The following ARFIP1 variants were observed in gnomAD, a reference collection of about 807,000 sequenced individuals.
ARFIP1 encodes ARF interacting protein 1.
Under a neutral mutation model 42.5 loss-of-function variants are expected in ARFIP1, and 24 were observed. The ratio of observed to expected loss-of-function variants is 0.57; its 90% confidence interval spans 0.41 to 0.80. The LOEUF (loss-of-function observed/expected upper bound fraction) is 0.80, where lower values mean the gene tolerates loss of function less well. Among genes scored for constraint, ARFIP1 ranks in the 30% least tolerant of loss-of-function variants. ARFIP1 has a pLI of 0.00. For synonymous variants in ARFIP1, 141 were observed against 153.7 expected (o/e 0.92, Z 0.61); for missense variants, 354 against 434.0 (o/e 0.82, Z 1.64).
At chr4:152,830,702 A>G (rs567891635) in intron 2 of ARFIP1, among the ~76,000 whole-genome samples, 1 of 152,134 alleles carries the variant, frequency 6.6e-6, no homozygotes, top group Non-Finnish European at 1.5e-5. Flanking sequence ...TGGCCTATAC[A>G]TTGTAGGATG....
At chr4:152,811,634 GA>G (rs1729476581) in intron 1 of ARFIP1, among the ~76,000 whole-genome samples, 2 of 152,182 alleles carry the variant, frequency 1.3e-5, no homozygotes, top group Admixed American at 1.3e-4. Flanking sequence ...AAGTTGATTG[GA>G]ACCTATTGTG....
At chr4:152,830,984 G>A (rs1441862616) in intron 2 of ARFIP1, among the ~76,000 whole-genome samples, 2 of 152,124 alleles carry the variant, frequency 1.3e-5, no homozygotes, top group South Asian at 2.1e-4. Context: ...CTTTAACTTG[G>A]TTTCTGAGCA....
intron 1 of ARFIP1, among the ~76,000 whole-genome samples, chr4:152,788,882 T>G (rs560159028): frequency 6.6e-6 from 1 of 151,560 alleles, no homozygotes; most frequent in Admixed American, 6.6e-5. Flanking sequence ...TCCTTTCATT[T>G]TGACAGTTTC....
At chr4:152,862,465 A>G (rs1313028154) in intron 2 of ARFIP1, among the ~76,000 whole-genome samples, 1 of 151,890 alleles carries the variant, frequency 6.6e-6, no homozygotes, top group Admixed American at 6.6e-5. Context: ...AAAAAAAAGG[A>G]TAACTATCTT....
At chr4:152,841,874 A>G (rs1160422759) in intron 2 of ARFIP1, among the ~76,000 whole-genome samples, 2 of 152,074 alleles carry the variant, frequency 1.3e-5, no homozygotes, top group Admixed American at 6.5e-5. Context: ...TGTTAATGAC[A>G]TCGAAGGCAC....
intron 2 of ARFIP1, among the ~76,000 whole-genome samples, chr4:152,851,127 A>T (rs1732941403): frequency 6.6e-6 from 1 of 152,238 alleles, no homozygotes; most frequent in Non-Finnish European, 1.5e-5. Context: ...TTCTTGCCAA[A>T]TGAAGTAATA....
intron 2 of ARFIP1, among the ~76,000 whole-genome samples, chr4:152,839,571 G>A (rs920205298): frequency 1.3e-5 from 2 of 152,136 alleles, no homozygotes; most frequent in African/African-American, 4.8e-5. Flanking sequence ...GTGTGTAAAG[G>A]TGTTCATAGT....
chr4:152,857,982 G>A (rs1733574862), intron 2 of ARFIP1, among the ~76,000 whole-genome samples: 1 of 152,100 alleles, frequency 6.6e-6, no homozygotes. Flanking sequence ...GTCATTAGAT[G>A]TTGATTCAAT....
chr4:152,828,713 T>C (rs1296256109), intron 1 of ARFIP1, among the ~76,000 whole-genome samples: 1 of 152,210 alleles, frequency 6.6e-6, no homozygotes, highest in African/African-American at 2.4e-5. Flanking sequence ...GGAGCAGAAA[T>C]CTTAAATTTT....
chr4:152,828,069 A>T (rs1175085055), intron 1 of ARFIP1, among the ~76,000 whole-genome samples: 1 of 152,124 alleles, frequency 6.6e-6, no homozygotes, highest in Non-Finnish European at 1.5e-5. Flanking sequence ...TCTTCCATTT[A>T]TGTATGTACC....
At chr4:152,875,773 G>A (rs187729902) in intron 5 of ARFIP1, among the ~76,000 whole-genome samples, 61 of 149,324 alleles carry the variant, frequency 4.1e-4, no homozygotes, top group African/African-American at 1.4e-3. Context: ...GGGTTTGGCT[G>A]TGTCCCCATC....
chr4:152,863,102 GTAAATC>G (rs753663095), intron 2 of ARFIP1, among the ~76,000 whole-genome samples: 36 of 152,122 alleles, frequency 2.4e-4, no homozygotes, highest in Non-Finnish European at 4.6e-4. Flanking sequence ...ATTGTGCAAT[GTAAATC>G]TAAGTAATTT....
At chr4:152,904,160 A>G (rs1033659934) in intron 8 of ARFIP1, among the ~76,000 whole-genome samples, 8 of 98,382 alleles carry the variant, frequency 8.1e-5, no homozygotes, top group Admixed American at 1.2e-4. Flanking sequence ...CCCATCACCT[A>G]TATATATATG....
rs1297847510 is a variant in ARFIP1 at position 152,904,158 on chromosome 4, CTA to C, written c.967-5896_967-5895del. On this transcript the variant is annotated intron_variant, in intron 8 of 8. Coordinates refer to ENST00000353617, the MANE Select transcript of ARFIP1 (RefSeq NM_001025595.3). ...TTTGCTGCACCTATCAACCCATCAC[CTA>C]TATATATATGTGTGTGTGTGTATAT... Among the ~76,000 whole-genome samples, 43 of 130,478 alleles carry C rather than the reference CTA, an allele frequency of 3.3e-4. No homozygotes were observed. The East Asian group carries it at 7.7e-3, about 23-fold the overall frequency. The allele number at this position is 130,478 out of a possible 152,430, so 85.6% of individuals were successfully genotyped here. A position where few individuals can be genotyped will look rare whatever the true frequency, so the allele number is the denominator to read the frequency against.
intron 8 of ARFIP1, among the ~76,000 whole-genome samples, chr4:152,895,726 A>G (rs192579819): frequency 6.6e-6 from 1 of 151,170 alleles, no homozygotes; most frequent in East Asian, 2.0e-4. Flanking sequence ...AGGCCTGGAT[A>G]ATTTTTTAAT....
intron 1 of ARFIP1, among the ~76,000 whole-genome samples, chr4:152,815,420 T>C (rs1360724907): frequency 1.3e-5 from 2 of 152,248 alleles, no homozygotes; most frequent in Admixed American, 1.3e-4. Context: ...ATTTACACAC[T>C]GATGTCTTCT....
Position 152,863,657 on chromosome 4 carries a change from A to G in ARFIP1, c.145A>G (p.Thr49Ala). 1 of 1,611,638 alleles carries G rather than the reference A, an allele frequency of 6.2e-7. No homozygotes were observed. Among genetic ancestry groups the G allele is most frequent in the South Asian group, 1.1e-5 (1 of 91,002 alleles). Residue 49 changes from threonine to alanine, a missense_variant, in exon 3 of 9, where the codon ACA (threonine) becomes GCA (alanine). Thr to Ala is a moderately conservative substitution (Grantham distance 58, BLOSUM62 0). Coordinates refer to ENST00000353617, the MANE Select transcript of ARFIP1 (RefSeq NM_001025595.3). ...SGLGLSETQI[T>A]SHGFDNTKEG... is the part of the protein sequence containing the mutation. ...ACTTGGTCTCTCAGAAACCCAAATTACATCTCATGGCTTTGACAATACCAA... is the reference window on the plus strand; with the variant it reads ...ACTTGGTCTCTCAGAAACCCAAATTGCATCTCATGGCTTTGACAATACCAA...
chr4:152,824,311 C>CA (rs111552594), intron 1 of ARFIP1, among the ~76,000 whole-genome samples: 5,291 of 118,672 alleles, frequency 0.045, 106 homozygotes, highest in Non-Finnish European at 0.05. Context: ...AGACTCTTAT[C>CA]AAAAAAAAAA....
At chr4:152,843,313 T>C (rs949229867) in intron 2 of ARFIP1, among the ~76,000 whole-genome samples, 3 of 152,090 alleles carry the variant, frequency 2.0e-5, no homozygotes, top group Non-Finnish European at 4.4e-5. Context: ...ACCTATTCCA[T>C]TGGAGGTGGC....
Sources: allele counts gnomAD v4.1 joint callset (sites outside exome capture counted in the v4.1 genomes callset), GRCh38; gene constraint gnomAD v4.1.1; transcripts MANE v1.5; gene names NCBI Gene and HGNC (gene_info 2026-07-23, HGNC 2026-07-21).